The following MAP4 variants were observed in gnomAD, a reference collection of about 807,000 sequenced individuals.
MAP4 encodes the protein microtubule associated protein 4, also known as microtubule-associated protein 4.
In MAP4, 76 loss-of-function variants were observed where a neutral mutation model predicts 170.2. The ratio of observed to expected loss-of-function variants is 0.45; its 90% CI spans 0.37 to 0.54. MAP4 has a LOEUF of 0.54. MAP4 is among the 20% of genes least tolerant of loss of function. MAP4 has a pLI of 0.00. For missense variants in MAP4, 2,506 were observed against 2,748.0 expected (o/e 0.91, Z 1.97); for synonymous variants, 909 against 994.5 (o/e 0.91, Z 1.62).
Position 47,912,263 on chromosome 3 carries a change from A to G in MAP4, c.2158T>C (p.Ser720Pro), listed in dbSNP as rs572337203. The G allele has an allele frequency of 7.7e-5, 119 of 1,536,108 alleles. 2 individuals are homozygous for G. The South Asian group carries it at 1.4e-3, about 18-fold the overall frequency. ...GAGACCCAACCTGACTCAGACAAAG[A>G]GCAGTGGCCCAGCCTGTGATCAAGA... is the stretch of plus-strand genomic sequence containing the variant. The part of the protein sequence containing the change: ...KTLDHRLGHC[S>P]LSESGWVSGS... The change falls in exon 9 of 21, where the codon TCT (serine) becomes CCT (proline). Residue 720 changes from serine (S) to proline (P), a missense_variant. Transcript: ENST00000683076.
At chr3:47,958,981 T>C (rs1224209255) in intron 3 of MAP4, among the ~76,000 whole-genome samples, 1 of 152,054 alleles carries the variant, frequency 6.6e-6, no homozygotes, top group East Asian at 1.9e-4. Flanking sequence ...CGCACCCGCC[T>C]TGAAATTAGA....
At chr3:48,008,451 A>G (rs183999965) in intron 1 of MAP4, among the ~76,000 whole-genome samples, 149 of 152,372 alleles carry the variant, frequency 9.8e-4, no homozygotes, top group Middle Eastern at 6.8e-3. Context: ...AACTTCGAGC[A>G]GTGCACCTGG....
At chr3:47,930,021 T>G (rs1384956630) in intron 3 of MAP4, among the ~76,000 whole-genome samples, 1 of 152,134 alleles carries the variant, frequency 6.6e-6, no homozygotes, top group Non-Finnish European at 1.5e-5. Context: ...TCCCAGCTAC[T>G]CAGGAGGCTG....
intron 3 of MAP4, among the ~76,000 whole-genome samples, chr3:47,954,440 A>G (rs1459003095): frequency 6.6e-6 from 1 of 152,224 alleles, no homozygotes; most frequent in African/African-American, 2.4e-5. Context: ...CAGCCTACCA[A>G]AACAGATTCA....
intron 3 of MAP4, among the ~76,000 whole-genome samples, chr3:47,972,920 A>T (rs1300817924): frequency 6.6e-6 from 1 of 152,092 alleles, no homozygotes; most frequent in Non-Finnish European, 1.5e-5. Flanking sequence ...AAAAATTCAT[A>T]AGTGAAAATG....
At chr3:48,020,736 G>A (rs1482708634), upstream of MAP4, among the ~76,000 whole-genome samples, 1 of 152,038 alleles carries the variant, frequency 6.6e-6, no homozygotes, top group African/African-American at 2.4e-5. Context: ...AAAACACGCT[G>A]GATCAGAATT....
intron 10 of MAP4, among the ~76,000 whole-genome samples, chr3:47,887,868 G>T (rs1559913807): frequency 6.9e-6 from 1 of 145,170 alleles, no homozygotes; most frequent in Non-Finnish European, 1.5e-5. Context: ...TCTGTATCTA[G>T]CTCAAGGTTT....
At chr3:48,025,365 T>C (rs999821485) in intron 1 of MAP4, among the ~76,000 whole-genome samples, 9 of 150,858 alleles carry the variant, frequency 6.0e-5, no homozygotes, top group Non-Finnish European at 1.2e-4. Flanking sequence ...CTCGGCTCAC[T>C]GCCACCTCTG....
At chr3:47,853,112 G>T (rs756961864) in intron 20 of MAP4, 51 bp downstream of exon 20, 2 of 1,612,934 alleles carry the variant, frequency 1.2e-6, no homozygotes, top group Admixed American at 3.3e-5. Context: ...TTCAATTTGC[G>T]GCCAGTGGCA....
intron 17 of MAP4, among the ~76,000 whole-genome samples, chr3:47,860,121 A>G (rs1365717019): frequency 6.6e-6 from 1 of 152,214 alleles, no homozygotes; most frequent in Non-Finnish European, 1.5e-5. Context: ...TGACAAGCTC[A>G]TCTTAGCTGT....
intron 2 of MAP4, chr3:47,987,495 T>G (rs1578843182): frequency 1.8e-6 from 2 of 1,123,112 alleles, no homozygotes; most frequent in East Asian, 5.2e-5. Flanking sequence ...AAATCCAATC[T>G]TAAAGGATTT....
intron 3 of MAP4, among the ~76,000 whole-genome samples, chr3:47,932,446 T>C (rs966736819): frequency 2.0e-5 from 3 of 152,078 alleles, no homozygotes; most frequent in African/African-American, 7.2e-5. Context: ...TCCCTAGGAG[T>C]AGAACTGCTG....
At chr3:47,865,594 G>A (rs2078032038) in intron 17 of MAP4, among the ~76,000 whole-genome samples, 1 of 152,192 alleles carries the variant, frequency 6.6e-6, no homozygotes. Context: ...GTAGGCCATG[G>A]GCAGGATGTC....
Position 47,853,308 on chromosome 3 carries a change from A to G in MAP4, c.6741T>C (p.Pro2247=). ...CAGAGATGGCCGGCTCCTCCCCAGCAGGGGGACCCGGACACAGAGGAGCCT... is the reference window on the plus strand; with the variant it reads ...CAGAGATGGCCGGCTCCTCCCCAGCGGGGGGACCCGGACACAGAGGAGCCT... The part of the protein sequence containing the change: ...GSEAPLCPGP[P]AGEEPAISEA... The change falls in exon 20 of 21, where the codon CCT becomes CCC. Residue 2247 remains proline, a synonymous_variant. Coordinates refer to ENST00000683076, the MANE Select transcript of MAP4 (RefSeq NM_001385682.1). 6.2e-7 allele frequency: 1 copy of G among 1,611,104 alleles called. No homozygotes were observed. Among genetic ancestry groups the G allele is most frequent in the Non-Finnish European group, 8.5e-7 (1 of 1,179,506 alleles).
chr3:47,872,047 A>C lies in MAP4; in HGVS notation c.5811T>G (p.Ala1937=). 1 of 1,613,506 alleles carries C rather than the reference A, an allele frequency of 6.2e-7. No homozygotes were observed. The highest frequency in any genetic ancestry group is 8.5e-7 in the Non-Finnish European group (1 of 1,179,518). ...PEKRASPSKP[A]SAPASRSGSK... is the part of the protein sequence containing the mutation. ...ACCCAGATCTGGAGGCTGGGGCAGA[A>C]GCTGGCTTGGATGGTGAGGCCCGCT... Residue 1937 remains alanine, a synonymous_variant, in exon 13 of 21, where the codon GCT becomes GCG. Coordinates refer to ENST00000683076, the MANE Select transcript of MAP4 (RefSeq NM_001385682.1).
chr3:47,918,947 G>A (rs76709991), intron 5 of MAP4, 106 bp from the exon 6 acceptor site: 2 of 926,400 alleles, frequency 2.2e-6, no homozygotes, highest in African/African-American at 1.7e-5. Flanking sequence ...TTTTTTTTTT[G>A]AGACAGAGTT....
chr3:47,885,669 T>G (rs1271008444), intron 10 of MAP4, among the ~76,000 whole-genome samples: 3 of 152,110 alleles, frequency 2.0e-5, no homozygotes, highest in African/African-American at 7.2e-5. Context: ...TTTTCTAGTT[T>G]TAAAATGTAA....
intron 10 of MAP4, among the ~76,000 whole-genome samples, chr3:47,893,759 CTT>C (rs746999860): frequency 3.4e-4 from 45 of 134,270 alleles, no homozygotes; most frequent in African/African-American, 7.1e-4. Context: ...ATTTAGATTG[CTT>C]TTTTTTTTTT....
chr3:48,053,023 TAAAACA>T (rs2100128739), intron 1 of MAP4, among the ~76,000 whole-genome samples: 1 of 152,096 alleles, frequency 6.6e-6, no homozygotes, highest in Non-Finnish European at 1.5e-5. Flanking sequence ...AAACAGAAAC[TAAAACA>T]ACTCCAAATA....
Sources: allele counts gnomAD v4.1 joint callset (sites outside exome capture counted in the v4.1 genomes callset), GRCh38; gene constraint gnomAD v4.1.1; transcripts MANE v1.5; gene names NCBI Gene and HGNC (gene_info 2026-07-23, HGNC 2026-07-21).